The following ARID1A variants were observed in gnomAD, a reference collection of about 807,000 sequenced individuals.
ARID1A encodes AT-rich interaction domain 1A, also known as AT-rich interactive domain-containing protein 1A.
A neutral mutation model predicts 212.6 loss-of-function variants in ARID1A; 20 were observed. That is an observed-to-expected ratio of 0.09 (90% CI 0.07 to 0.14). ARID1A has a LOEUF of 0.14. Among genes scored for constraint, ARID1A ranks in the 10% least tolerant of loss-of-function variants. The pLI is 1.00. For missense variants in ARID1A, 2,587 were observed against 3,059.0 expected (o/e 0.85, Z 3.64); for synonymous variants, 1,376 against 1,222.1 (o/e 1.13, Z -2.63).
At position 26,696,895 on chromosome 1, in the gene ARID1A, C is replaced by CGCG; in HGVS notation, c.495_497dup (p.Ala167dup). The CGCG allele has an allele frequency of 1.0e-5, 14 of 1,372,690 alleles. No individual in the cohort carries two copies. The highest frequency in any genetic ancestry group is 1.3e-5 in the Non-Finnish European group (14 of 1,063,222). 85.0% of individuals were successfully genotyped at this position (1,372,690 alleles called of 1,614,324 possible). On this transcript the variant is annotated inframe_insertion, in exon 1 of 20. Transcript: ENST00000324856. ...GGAGCCCGTCTGCCGTCGCCGCCGC[C>CGCG]GCGGCCGCCGTCTTCCACCAACAAC...
rs146598030 is a variant in ARID1A, at chr1:26,772,501, G to A, written c.3408G>A (p.Ala1136=). The A allele has an allele frequency of 4.5e-4, 721 of 1,614,060 alleles. No individual in the cohort carries two copies. Among genetic ancestry groups the A allele is most frequent in the Non-Finnish European group, 5.7e-4 (676 of 1,180,038 alleles). The change falls in exon 13 of 20, where the codon GCG becomes GCA. Residue 1136 remains alanine (A), a splice_region_variant and synonymous_variant. Transcript: ENST00000324856. ...SQPKIQPPSP[A]GSGSMQGPQT... ...CTCAACTTGTATCTCTGTCCACAGC[G>A]GGATCAGGATCTATGCAGGGGCCCC...
Position 26,761,417 on chromosome 1 carries a change from A to G in ARID1A, c.2195A>G (p.Gln732Arg), listed in dbSNP as rs1472315918. The change falls in exon 6 of 20, where the codon CAG becomes CGG. Residue 732 changes from glutamine (Q) to arginine (R), a missense_variant. This residue lies in a region of ARID1A where 674 missense variants were observed against 813.4 expected (regional missense o/e 0.83). Coordinates refer to ENST00000324856, the MANE Select transcript of ARID1A (RefSeq NM_006015.6). ...ATGCCACCTCGGCCACCCAGTGGCC[A>G]GTCGGACAGCATCATGCATCCTTCC... The part of the protein sequence containing the change: ...NQMPPRPPSG[Q>R]SDSIMHPSMN... The G allele has an allele frequency of 6.2e-7, 1 of 1,614,230 alleles. No individual in the cohort carries two copies. Among genetic ancestry groups the G allele is most frequent in the East Asian group, 2.2e-5 (1 of 44,886 alleles).
intron 4 of ARID1A, among the ~76,000 whole-genome samples, chr1:26,746,134 T>C (rs147803085): frequency 1.3e-5 from 2 of 152,324 alleles, no homozygotes; most frequent in African/African-American, 4.8e-5. Flanking sequence ...GAAGGAGTTA[T>C]GAACAGATAT....
intron 3 of ARID1A, among the ~76,000 whole-genome samples, chr1:26,732,318 GTCTT>G (rs2080686591): frequency 6.6e-6 from 1 of 152,178 alleles, no homozygotes; most frequent in Non-Finnish European, 1.5e-5. Context: ...CCAAGGTGAT[GTCTT>G]TGAATGAAGC....
At chr1:26,746,843 C>T (rs1391778356) in intron 4 of ARID1A, among the ~76,000 whole-genome samples, 2 of 152,124 alleles carry the variant, frequency 1.3e-5, no homozygotes, top group Non-Finnish European at 2.9e-5. Context: ...TCAAGGCTGG[C>T]CAATATGGTA....
At chr1:26,712,538 T>A (rs1486852664) in intron 1 of ARID1A, among the ~76,000 whole-genome samples, 1 of 152,042 alleles carries the variant, frequency 6.6e-6, no homozygotes, top group Non-Finnish European at 1.5e-5. Context: ...AAATTTTTTT[T>A]AAATTAGCTG....
At chr1:26,717,609 T>TG (rs913997728) in intron 1 of ARID1A, among the ~76,000 whole-genome samples, 1 of 152,202 alleles carries the variant, frequency 6.6e-6, no homozygotes, top group African/African-American at 2.4e-5. Context: ...ACTTAGCACT[T>TG]GTGTAGGATG....
chr1:26,742,353 C>T (rs770886041), intron 4 of ARID1A, among the ~76,000 whole-genome samples: 12 of 152,146 alleles, frequency 7.9e-5, no homozygotes, highest in Non-Finnish European at 1.3e-4. Context: ...ACTAGGGAAT[C>T]GCCTCAAACA....
chr1:26,749,319 C>T (rs557202044), intron 4 of ARID1A, among the ~76,000 whole-genome samples: 60 of 152,208 alleles, frequency 3.9e-4, no homozygotes, highest in African/African-American at 1.3e-3. Flanking sequence ...CTGTGAGGAG[C>T]ACCTTCTCAT....
Position 26,761,115 on chromosome 1 carries a change from C to T in ARID1A, c.2161+19C>T, listed in dbSNP as rs2124057429. The T allele has an allele frequency of 6.2e-7, 1 of 1,610,752 alleles. No individual in the cohort carries two copies. The highest frequency in any genetic ancestry group is 8.5e-7 in the Non-Finnish European group (1 of 1,177,346). On this transcript the variant is annotated intron_variant, in intron 5 of 19. Transcript: ENST00000324856. ...GTGCCAGGTACCCTCAAGTGCTGGG[C>T]TTTAGGGAGAGGGAAAGGTGACTGC...
chr1:26,733,953 A>G lies in ARID1A; in HGVS notation c.1920+1161A>G, dbSNP rs1200592831. ...CTGAAGGTCTCTGAGACACCTCAAT[A>G]GGGCAAGGTCTGCAGAGTCCCTTAG... On this transcript the variant is annotated intron_variant, in intron 4 of 19. Transcript: ENST00000324856. Among the ~76,000 whole-genome samples, 3 of 152,226 alleles carry G rather than the reference A, an allele frequency of 2.0e-5. No individual in the cohort carries two copies. The South Asian group carries it at 6.2e-4, about 31-fold the overall frequency.
intron 3 of ARID1A, among the ~76,000 whole-genome samples, chr1:26,732,012 G>A (rs1557592859): frequency 6.6e-6 from 1 of 152,032 alleles, no homozygotes; most frequent in South Asian, 2.1e-4. Context: ...ATTCCATTCT[G>A]CTATCGCTCA....
intron 2 of ARID1A, among the ~76,000 whole-genome samples, chr1:26,730,562 G>A (rs1435525879): frequency 6.6e-6 from 1 of 152,132 alleles, no homozygotes; most frequent in African/African-American, 2.4e-5. Flanking sequence ...TTCCAATAGA[G>A]GAGAGATGAG....
chr1:26,697,705 C>T (rs1042777775), intron 1 of ARID1A, among the ~76,000 whole-genome samples, 165 bp downstream of exon 1: 4 of 152,064 alleles, frequency 2.6e-5, no homozygotes, highest in Non-Finnish European at 4.4e-5. Context: ...GCCTGTCTGC[C>T]TTCCTCTCCT....
At position 26,780,073 on chromosome 1, in the gene ARID1A, A is replaced by G. The variant is rs923863451; in HGVS notation, c.6175A>G (p.Asn2059Asp). ...GGACTGCTTGGAGATGCTCCGGGAA[A>G]ACACCTTGGTTACACTCGCCAACAT... ...WWDCLEMLRE[N>D]TLVTLANISG... The change falls in exon 20 of 20, where the codon AAC becomes GAC. Residue 2059 changes from asparagine (N) to aspartate (D), a missense_variant. Physicochemically the swap from Asn to Asp is conservative, Grantham distance 23. Transcript: ENST00000324856. This position sits in a 1 kb window ranked among gnomAD's most constrained non-coding sequence, Gnocchi z 7.2. The G allele has an allele frequency of 2.5e-6, 4 of 1,614,122 alleles. No homozygotes were observed. The highest frequency in any genetic ancestry group is 3.4e-6 in the Non-Finnish European group (4 of 1,180,012).
intron 4 of ARID1A, among the ~76,000 whole-genome samples, chr1:26,760,546 G>A (rs749763083): frequency 3.3e-5 from 5 of 152,028 alleles, no homozygotes; most frequent in Admixed American, 1.3e-4. Context: ...AAATTTAGCC[G>A]GGCGTGGTGG....
intron 1 of ARID1A, among the ~76,000 whole-genome samples, chr1:26,708,855 C>A (rs550722161): frequency 1.3e-3 from 194 of 151,940 alleles, no homozygotes; most frequent in Non-Finnish European, 2.1e-3. Context: ...CCACCACGCC[C>A]GGCTAATTTT....
In ARID1A at chr1:26,762,209, C is replaced by T. The variant is rs1455731842; in HGVS notation, c.2309C>T (p.Ala770Val). ...PQYSSPQPGS[A>V]LSPRQPSGGQ... ...TACAGTTCCCCCCAGCCCGGCTCAGCCTTATCTCCGCGTCAGCCTTCCGGA... is the reference window on the plus strand; with the variant it reads ...TACAGTTCCCCCCAGCCCGGCTCAGTCTTATCTCCGCGTCAGCCTTCCGGA... Residue 770 changes from alanine (A) to valine (V), a missense_variant, in exon 7 of 20, where the codon GCC becomes GTC. Ala to Val is a moderately conservative substitution (Grantham distance 64). Coordinates refer to ENST00000324856, the MANE Select transcript of ARID1A (RefSeq NM_006015.6). 1.9e-5 allele frequency: 30 copies of T among 1,614,182 alleles called. No individual in the cohort carries two copies. The highest frequency in any genetic ancestry group is 2.4e-5 in the Non-Finnish European group (28 of 1,180,024).
At position 26,779,293 on chromosome 1, in the gene ARID1A, G is replaced by C. The variant is rs2124138873; in HGVS notation, c.5395G>C (p.Glu1799Gln). Residue 1799 changes from glutamate (E) to glutamine (Q), a missense_variant, in exon 20 of 20, where the codon GAG becomes CAG. Physicochemically the swap from Glu to Gln is conservative, Grantham distance 29. Coordinates refer to ENST00000324856, the MANE Select transcript of ARID1A (RefSeq NM_006015.6). Reference sequence around the variant, plus strand: ...TTCAGGCAAGGACAAGCCAGCTTCAGAGAATAGTGAGGAGAAGCTGATCAG... The same window carrying C: ...TTCAGGCAAGGACAAGCCAGCTTCACAGAATAGTGAGGAGAAGCTGATCAG... ...AFSGKDKPAS[E>Q]NSEEKLISKF... 6.2e-7 allele frequency: 1 copy of C among 1,614,272 alleles called. No homozygotes were observed. Among genetic ancestry groups the C allele is most frequent in the Non-Finnish European group, 8.5e-7 (1 of 1,180,054 alleles).
Sources: gnomAD v4.1 joint callset for allele counts (sites outside exome capture counted in the v4.1 genomes callset) on GRCh38, gnomAD v4.1.1 for gene constraint, gnomAD v4.1.1 regional missense constraint, Gnocchi (gnomAD v3.1) non-coding constraint, MANE v1.5 for transcripts, NCBI Gene and HGNC (gene_info 2026-07-23, HGNC 2026-07-21) for gene names.